The following MYOZ2 variants were observed in gnomAD, a reference collection of about 807,000 sequenced individuals.
MYOZ2 encodes myozenin-2.
MYOZ2 carries 19 observed loss-of-function variants against 25.4 expected under a neutral mutation model. That is an observed-to-expected ratio of 0.75 (90% CI 0.52 to 1.10). The LOEUF is 1.10. Ranked by LOEUF, MYOZ2 falls within the 50% of genes least tolerant of loss-of-function variation. The pLI is 0.00. For synonymous variants in MYOZ2, 92 were observed against 106.9 expected (o/e 0.86, Z 0.86); for missense variants, 270 against 317.9 (o/e 0.85, Z 1.15).
At chr4:119,165,231 C>T (rs987871151) in intron 5 of MYOZ2, among the ~76,000 whole-genome samples, 2 of 151,398 alleles carry the variant, frequency 1.3e-5, no homozygotes, top group Non-Finnish European at 2.9e-5. Flanking sequence ...CTTAAGTGAT[C>T]GGATGTGGTG....
chr4:119,178,638 G>C (rs62326342), intron 5 of MYOZ2, among the ~76,000 whole-genome samples: 1 of 151,806 alleles, frequency 6.6e-6, no homozygotes, highest in Admixed American at 6.6e-5. Context: ...TTGGAGTCTC[G>C]CTCTGTCGCC....
intron 5 of MYOZ2, among the ~76,000 whole-genome samples, chr4:119,176,711 A>T (rs1409826195): frequency 6.6e-6 from 1 of 152,242 alleles, no homozygotes; most frequent in East Asian, 1.9e-4. Flanking sequence ...AATTTGAAAA[A>T]GAACTTTAAG....
intron 5 of MYOZ2, among the ~76,000 whole-genome samples, chr4:119,172,532 C>A (rs1314154689): frequency 2.0e-5 from 3 of 152,150 alleles, no homozygotes; most frequent in African/African-American, 7.2e-5. Flanking sequence ...GCTGATCCAT[C>A]GAGTACAGGG....
chr4:119,136,848 T>C (rs983771861), intron 2 of MYOZ2, among the ~76,000 whole-genome samples: 1 of 152,152 alleles, frequency 6.6e-6, no homozygotes, highest in African/African-American at 2.4e-5. Context: ...TGACAGCTGA[T>C]GTACATTCTG....
At chr4:119,140,586 A>T (rs1455312047) in intron 2 of MYOZ2, among the ~76,000 whole-genome samples, 1 of 152,170 alleles carries the variant, frequency 6.6e-6, no homozygotes, top group Non-Finnish European at 1.5e-5. Context: ...AACCCCTAAT[A>T]AGGCACTCCA....
At chr4:119,148,923 T>A (rs1046516594) in intron 2 of MYOZ2, among the ~76,000 whole-genome samples, 1 of 152,166 alleles carries the variant, frequency 6.6e-6, no homozygotes, top group African/African-American at 2.4e-5. Flanking sequence ...GATTTTTTTT[T>A]TAATTTTTCA....
rs1467478357 is a variant in MYOZ2 at position 119,173,049 on chromosome 4, TTAG to T, written c.560+8659_560+8661del. ...TAAATATAGTACATTCATTAGCTAC[TTAG>T]TAGAATATTTTAACTTTTATACAAT... is the stretch of plus-strand genomic sequence containing the variant. On this transcript the variant is annotated intron_variant, in intron 5 of 5. Coordinates refer to ENST00000307128, the MANE Select transcript of MYOZ2 (RefSeq NM_016599.5). 7.2e-5 allele frequency among the ~76,000 whole-genome samples: 11 copies of T among 152,246 alleles called. No homozygotes were observed. The South Asian group carries it at 8.3e-4, about 11-fold the overall frequency.
At chr4:119,165,237 T>G (rs1741797900) in intron 5 of MYOZ2, among the ~76,000 whole-genome samples, 1 of 151,756 alleles carries the variant, frequency 6.6e-6, no homozygotes, top group African/African-American at 2.4e-5. Flanking sequence ...TGATCGGATG[T>G]GGTGGCTCAT....
intron 2 of MYOZ2, among the ~76,000 whole-genome samples, chr4:119,142,882 G>A (rs1357259918): frequency 6.6e-6 from 1 of 152,168 alleles, no homozygotes; most frequent in African/African-American, 2.4e-5. Flanking sequence ...AACAACTGAT[G>A]AACCAATATT....
At chr4:119,148,614 C>G (rs1741364910) in intron 2 of MYOZ2, among the ~76,000 whole-genome samples, 1 of 151,750 alleles carries the variant, frequency 6.6e-6, no homozygotes, top group Non-Finnish European at 1.5e-5. Context: ...TTCTCATTTG[C>G]CCCCTCTATT....
In MYOZ2 at chr4:119,150,948, T is replaced by C; in HGVS notation, c.153T>C (p.Ser51=). ...TGTTGGAAGAATTATCCCATCTCAG[T>C]AACCGTGGTGCCAGGCTATTTAAGA... ...DIMLEELSHL[S]NRGARLFKMR... Residue 51 remains serine, a synonymous_variant, in exon 3 of 6, where the codon AGT becomes AGC. Transcript: ENST00000307128. 6.2e-7 allele frequency: 1 copy of C among 1,613,702 alleles called. No individual in the cohort carries two copies. Among genetic ancestry groups the C allele is most frequent in the Non-Finnish European group, 8.5e-7 (1 of 1,179,650 alleles).
chr4:119,136,718 C>A (rs1189608165), intron 2 of MYOZ2, 117 bp downstream of exon 2: 1 of 1,102,064 alleles, frequency 9.1e-7, no homozygotes, highest in Non-Finnish European at 1.4e-6. Context: ...TCTGTCATAA[C>A]AAACCTGGAG....
At chr4:119,145,288 T>C (rs551606850) in intron 2 of MYOZ2, among the ~76,000 whole-genome samples, 308 of 151,940 alleles carry the variant, frequency 2.0e-3, no homozygotes, top group Non-Finnish European at 3.2e-3. Flanking sequence ...CTTCTACGTG[T>C]ATGTGGGATA....
intron 2 of MYOZ2, among the ~76,000 whole-genome samples, chr4:119,150,404 G>A (rs551679943): frequency 4.4e-4 from 67 of 151,932 alleles, no homozygotes; most frequent in African/African-American, 1.6e-3. Context: ...GCTAGATGCA[G>A]AATAAATAGT....
chr4:119,167,388 A>G (rs1382379328), intron 5 of MYOZ2, among the ~76,000 whole-genome samples: 3 of 152,234 alleles, frequency 2.0e-5, no homozygotes, highest in Non-Finnish European at 4.4e-5. Context: ...AGGGAGTTGC[A>G]GAAGAAAAGT....
intron 5 of MYOZ2, among the ~76,000 whole-genome samples, chr4:119,181,129 T>C (rs1742178924): frequency 6.6e-6 from 1 of 152,218 alleles, no homozygotes. Flanking sequence ...GACAGCCTCA[T>C]ATTCATTCCT....
chr4:119,169,489 A>G (rs1343852416), intron 5 of MYOZ2, among the ~76,000 whole-genome samples: 1 of 152,276 alleles, frequency 6.6e-6, no homozygotes, highest in Non-Finnish European at 1.5e-5. Flanking sequence ...CAGAAAAGCT[A>G]GTTTTAAAAA....
Position 119,151,015 on chromosome 4 carries a change from C to T in MYOZ2, c.220C>T (p.Gln74Ter), listed in dbSNP as rs863223715. 13 of 1,612,910 alleles carry T rather than the reference C, an allele frequency of 8.1e-6. No individual in the cohort carries two copies. The highest frequency in any genetic ancestry group is 1.1e-5 in the South Asian group (1 of 91,064). The change falls in exon 3 of 6, where the codon CAG (glutamine) becomes TAG (stop). Residue 74 changes from glutamine to a stop codon, truncating the protein, a stop_gained. Transcript: ENST00000307128. LOFTEE classifies it high-confidence loss of function. ...RSDKYTFENF[Q>*]YQSRAQINHS... Reference sequence around the variant, plus strand: ...TGACAAATACACATTTGAAAATTTCCAGTATCAATCTAGAGCACAAATAAA... The same window carrying T: ...TGACAAATACACATTTGAAAATTTCTAGTATCAATCTAGAGCACAAATAAA...
At chr4:119,164,064 A>C (rs979952346) in intron 4 of MYOZ2, 147 bp from the exon 5 acceptor site, 11 of 730,850 alleles carry the variant, frequency 1.5e-5, no homozygotes, top group Non-Finnish European at 2.4e-5. Flanking sequence ...TAACACTTGC[A>C]GACTGCTGTT....
Sources: allele counts gnomAD v4.1 joint callset (sites outside exome capture counted in the v4.1 genomes callset), GRCh38; gene constraint gnomAD v4.1.1; transcripts MANE v1.5; gene names NCBI Gene and HGNC (gene_info 2026-07-23, HGNC 2026-07-21).